The following MYO5B variants were observed in gnomAD, a reference collection of about 807,000 sequenced individuals.
The protein encoded by MYO5B is unconventional myosin-Vb.
Under a neutral mutation model 229.3 loss-of-function variants are expected in MYO5B, and 143 were observed. The observed-to-expected ratio is 0.62, with a 90% CI of 0.54 to 0.72. MYO5B has a LOEUF of 0.72. MYO5B is among the 30% of genes least tolerant of loss of function. MYO5B has a pLI of 0.00. For synonymous variants in MYO5B, 918 were observed against 885.2 expected (o/e 1.04, Z -0.66); for missense variants, 2,321 against 2,331.0 (o/e 1.00, Z 0.09).
Position 50,148,371 on chromosome 18 carries a change from G to C in MYO5B, c.27+46396C>G, listed in dbSNP as rs1391026373. ...CATCCTGATACCAAAGCCTGGCAGA[G>C]ACACAAGCAAAAAAGAGAATTTTAG... On this transcript the variant is annotated intron_variant, in intron 1 of 39. Coordinates refer to ENST00000285039, the MANE Select transcript of MYO5B (RefSeq NM_001080467.3). Among the ~76,000 whole-genome samples, 3 of 151,398 alleles carry C rather than the reference G, an allele frequency of 2.0e-5. No homozygotes were observed. In the East Asian group the frequency reaches 5.9e-4, roughly 30 times the overall value.
At chr18:50,090,257 C>G (rs2031419274) in intron 1 of MYO5B, among the ~76,000 whole-genome samples, 2 of 150,090 alleles carry the variant, frequency 1.3e-5, no homozygotes, top group South Asian at 4.2e-4. Flanking sequence ...GCAGGAGGAT[C>G]ATTTGAGCCC....
chr18:50,136,110 G>T (rs953241094), intron 1 of MYO5B, among the ~76,000 whole-genome samples: 3 of 152,178 alleles, frequency 2.0e-5, no homozygotes, highest in Non-Finnish European at 2.9e-5. Flanking sequence ...ATACAGCTTT[G>T]GAGCTCTGTG....
chr18:49,894,268 T>C (rs966343460), intron 22 of MYO5B, among the ~76,000 whole-genome samples: 6 of 148,492 alleles, frequency 4.0e-5, no homozygotes, highest in African/African-American at 1.3e-4. Flanking sequence ...TTGTGGCTTG[T>C]AGAGATGGTG....
intron 13 of MYO5B, among the ~76,000 whole-genome samples, chr18:49,953,890 A>ATG (rs1491254531): frequency 3.3e-5 from 3 of 91,582 alleles, no homozygotes; most frequent in African/African-American, 1.3e-4. Context: ...TTATATATAC[A>ATG]TATATGTGTG....
Position 49,984,474 on chromosome 18 carries a change from G to A in MYO5B, c.946+244C>T, listed in dbSNP as rs1401638858. Among the ~76,000 whole-genome samples the A allele has an allele frequency of 2.0e-5, 3 of 152,234 alleles. No individual in the cohort carries two copies. The East Asian group carries it at 5.8e-4, about 29-fold the overall frequency. On this transcript the variant is annotated intron_variant, in intron 8 of 39. Coordinates refer to ENST00000285039, the MANE Select transcript of MYO5B (RefSeq NM_001080467.3). ...CACGAGTGGAAAGGGTCACTGCACA[G>A]TGCCTGGGAGAGGGACTCTCATAAC...
chr18:50,178,558 C>G (rs2033028831), intron 1 of MYO5B, among the ~76,000 whole-genome samples: 1 of 152,160 alleles, frequency 6.6e-6, no homozygotes, highest in South Asian at 2.1e-4. Context: ...CAGTGTTAAG[C>G]CAAGAGTTTA....
intron 12 of MYO5B, among the ~76,000 whole-genome samples, chr18:49,955,100 G>A (rs1185387168): frequency 6.6e-6 from 1 of 152,150 alleles, no homozygotes; most frequent in African/African-American, 2.4e-5. Flanking sequence ...ATGTGTCCCT[G>A]AAAGAACTTA....
At chr18:49,880,033 T>G (rs1431812135) in intron 23 of MYO5B, among the ~76,000 whole-genome samples, 1 of 152,186 alleles carries the variant, frequency 6.6e-6, no homozygotes, top group Non-Finnish European at 1.5e-5. Context: ...AGCCCCCCGA[T>G]GTCTGGACCT....
At chr18:49,894,175 G>A (rs2024749932) in intron 22 of MYO5B, among the ~76,000 whole-genome samples, 1 of 151,978 alleles carries the variant, frequency 6.6e-6, no homozygotes, top group Non-Finnish European at 1.5e-5. Flanking sequence ...CTGAACACTG[G>A]ATCTCTCCCT....
At chr18:49,916,675 C>G (rs1219796902) in intron 17 of MYO5B, among the ~76,000 whole-genome samples, 1 of 152,112 alleles carries the variant, frequency 6.6e-6, no homozygotes, top group Non-Finnish European at 1.5e-5. Flanking sequence ...TGAGAAGCAC[C>G]ACCATCGCTT....
At chr18:50,018,735 T>C (rs191986547) in intron 4 of MYO5B, among the ~76,000 whole-genome samples, 11 of 152,304 alleles carry the variant, frequency 7.2e-5, no homozygotes, top group African/African-American at 2.4e-4. Context: ...CACATCACAC[T>C]GCTTCTTACG....
chr18:49,904,763 C>G lies in MYO5B; in HGVS notation c.2480G>C (p.Arg827Thr). 6.2e-7 allele frequency: 1 copy of G among 1,614,066 alleles called. No homozygotes were observed. Among genetic ancestry groups the G allele is most frequent in the Non-Finnish European group, 8.5e-7 (1 of 1,180,038 alleles). Residue 827 changes from arginine (R) to threonine (T), a missense_variant, in exon 20 of 40, where the codon AGG (arginine) becomes ACG (threonine). Physicochemically the swap from Arg to Thr is moderately conservative, Grantham distance 71. Transcript: ENST00000285039. The part of the protein sequence containing the change: ...VVLQKHYRMQ[R>T]ARQAYQRVRR... ...GACCCTCTGGTAGGCCTGGCGGGCC[C>G]TCTGCATGCGGTAATGTTTCTGGAG...
chr18:49,901,864 C>A lies in MYO5B; in HGVS notation c.2811+730G>T, dbSNP rs536313900. ...TGCCCTTCCAGTGTCTTCAATTGTA[C>A]AAAAAGGGGGATGGTAATACTTGCC... On this transcript the variant is annotated intron_variant, in intron 21 of 39. Transcript: ENST00000285039. Among the ~76,000 whole-genome samples the A allele has an allele frequency of 1.8e-4, 27 of 152,200 alleles. No homozygotes were observed. In the South Asian group the frequency reaches 2.3e-3, roughly 13 times the overall value.
At chr18:49,830,269 A>C (rs2023899602) in intron 39 of MYO5B, among the ~76,000 whole-genome samples, 1 of 152,218 alleles carries the variant, frequency 6.6e-6, no homozygotes, top group Admixed American at 6.5e-5. Flanking sequence ...ATAATCAGAA[A>C]GAAAAACAAT....
chr18:49,995,569 A>G (rs2144317887), intron 5 of MYO5B, among the ~76,000 whole-genome samples: 1 of 152,250 alleles, frequency 6.6e-6, no homozygotes, highest in Admixed American at 6.5e-5. Context: ...AAAAGCAGGG[A>G]GAAGCCTCTC....
intron 1 of MYO5B, among the ~76,000 whole-genome samples, chr18:50,083,294 T>A (rs2031260423): frequency 6.6e-6 from 1 of 152,176 alleles, no homozygotes; most frequent in African/African-American, 2.4e-5. Context: ...TTTTAAAGTT[T>A]CATGACATGG....
At chr18:50,107,396 C>G (rs2031782048) in intron 1 of MYO5B, among the ~76,000 whole-genome samples, 1 of 151,996 alleles carries the variant, frequency 6.6e-6, no homozygotes, top group South Asian at 2.1e-4. Flanking sequence ...CCACCAACCA[C>G]CAGAGAAATG....
At chr18:49,990,409 C>T (rs763570330) in intron 7 of MYO5B, 30 bp downstream of exon 7, 2 of 1,582,342 alleles carry the variant, frequency 1.3e-6, no homozygotes, top group East Asian at 4.5e-5. Flanking sequence ...TAGCCCACCC[C>T]AGAGGATAGG....
rs200773306 is a variant in MYO5B, at chr18:49,974,432, C to T, written c.1240G>A (p.Gly414Ser). The T allele has an allele frequency of 1.1e-4, 172 of 1,614,022 alleles. No homozygotes were observed. Among genetic ancestry groups the T allele is most frequent in the Non-Finnish European group, 1.3e-4 (155 of 1,180,028 alleles). ...TTGTTGATGTGCTCCACAATCCAGC[C>T]GAACAACTGGGCATAGATGTGCTTC... The part of the protein sequence containing the change: ...LAKHIYAQLF[G>S]WIVEHINKAL... Residue 414 changes from glycine (G) to serine (S), a missense_variant, in exon 10 of 40, where the codon GGC (glycine) becomes AGC (serine). Transcript: ENST00000285039.
Sources: gnomAD v4.1 joint callset for allele counts (sites outside exome capture counted in the v4.1 genomes callset) on GRCh38, gnomAD v4.1.1 for gene constraint, MANE v1.5 for transcripts, NCBI Gene and HGNC (gene_info 2026-07-23, HGNC 2026-07-21) for gene names.